The following DDI2 variants were observed in gnomAD, a reference collection of about 807,000 sequenced individuals.
The protein encoded by DDI2 is protein DDI1 homolog 2.
A neutral mutation model predicts 48.1 loss-of-function variants in DDI2; 5 were observed. The observed-to-expected ratio is 0.10, with a 90% confidence interval of 0.05 to 0.22. The LOEUF (loss-of-function observed/expected upper bound fraction) is 0.22. DDI2 is among the 10% of genes least tolerant of loss of function. The probability of loss-of-function intolerance (pLI) is 1.00; values close to 1 mark genes in which losing one functional copy is unlikely to be tolerated. For missense variants in DDI2, 285 were observed against 506.2 expected, an observed-to-expected ratio of 0.56 and a Z score of 4.19; for synonymous variants, 205 against 183.6, an observed-to-expected ratio of 1.12 and a Z score of -0.94.
rs1411455989 is a variant in DDI2 at position 15,668,164 on chromosome 1, G to C, written c.*8374G>C. On this transcript the variant is annotated 3_prime_UTR_variant, in exon 10 of 10. Transcript: ENST00000480945. Reference sequence around the variant, plus strand: ...TGATGGGAAGTTATTTTGTTTACAAGAGTTGGTTTTACACACAACCCTGAA... The same window carrying C: ...TGATGGGAAGTTATTTTGTTTACAACAGTTGGTTTTACACACAACCCTGAA... 2 of 152,066 alleles carry C rather than the reference G, an allele frequency of 1.3e-5. No individual in the cohort carries two copies. Among genetic ancestry groups the C allele is most frequent in the African/African-American group, 4.8e-5 (2 of 41,380 alleles). The allele number at this position is 152,066 out of a possible 1,614,324, so 9.4% of individuals were successfully genotyped here.
In DDI2 at chr1:15,633,459, G is replaced by A; in HGVS notation, c.526G>A (p.Val176Met). Residue 176 changes from valine (V) to methionine (M), a missense_variant, in exon 4 of 10, where the codon GTG (valine) becomes ATG (methionine). Val to Met is a conservative substitution (Grantham distance 21). Around this residue, in one of 3 missense-constraint regions of DDI2, gnomAD observed 149 missense variants for 236.5 expected, o/e 0.63. Coordinates refer to ENST00000480945, the MANE Select transcript of DDI2 (RefSeq NM_032341.5). Reference protein sequence around the residue: ...GDLEKFSRVLVEQQQDRARRE... With the variant: ...GDLEKFSRVLMEQQQDRARRE... The stretch of plus-strand genomic sequence containing the variant: ...TGTAGAGAAATTTTCTAGAGTCCTG[G>A]TGGAGCAGCAGCAGGACCGAGCCCG... 1.2e-6 allele frequency: 2 copies of A among 1,613,532 alleles called. No individual in the cohort carries two copies. Among genetic ancestry groups the A allele is most frequent in the Non-Finnish European group, 1.7e-6 (2 of 1,179,684 alleles).
chr1:15,661,122 G>A lies in DDI2; in HGVS notation c.*1332G>A. The stretch of plus-strand genomic sequence containing the variant: ...AGTGTCCACAAGTCTCCTTTCATCA[G>A]GCCATATCTGTATCAGTGGAGACAG... On this transcript the variant is annotated 3_prime_UTR_variant, in exon 10 of 10. Transcript: ENST00000480945. 6.2e-7 allele frequency: 1 copy of A among 1,613,960 alleles called. No individual in the cohort carries two copies. Among genetic ancestry groups the A allele is most frequent in the South Asian group, 1.1e-5 (1 of 91,052 alleles).
chr1:15,655,768 GA>G (rs1640262698), intron 8 of DDI2, among the ~76,000 whole-genome samples: 2 of 135,374 alleles, frequency 1.5e-5, no homozygotes, highest in African/African-American at 5.6e-5. Flanking sequence ...AAAAAAAAAA[GA>G]AAAAAAATTA....
intron 5 of DDI2, among the ~76,000 whole-genome samples, chr1:15,641,059 A>G (rs1365348748): frequency 2.0e-5 from 3 of 152,216 alleles, no homozygotes; most frequent in Non-Finnish European, 4.4e-5. Flanking sequence ...CTGGAAAGAA[A>G]TGGTGGAGCC....
rs1640416068 is a variant in DDI2 at position 15,663,975 on chromosome 1, ATTTATT to A, written c.*4190_*4195del. ...TAGCTTTTTGTGTATGTATATGTAT[ATTTATT>A]TTTAGGAATAGATCTATAGTTGTAC... On this transcript the variant is annotated 3_prime_UTR_variant, in exon 10 of 10. Coordinates refer to ENST00000480945, the MANE Select transcript of DDI2 (RefSeq NM_032341.5). 6.6e-6 allele frequency: 1 copy of A among 152,176 alleles called. No individual in the cohort carries two copies. The highest frequency in any genetic ancestry group is 2.1e-4 in the South Asian group (1 of 4,834). The allele number at this position is 152,176 out of a possible 1,614,324, so 9.4% of individuals were successfully genotyped here. A position where few individuals can be genotyped will look rare whatever the true frequency, so the allele number is the denominator to read the frequency against.
chr1:15,622,925 G>C (rs1639692839), intron 1 of DDI2, among the ~76,000 whole-genome samples: 1 of 152,154 alleles, frequency 6.6e-6, no homozygotes, highest in Admixed American at 6.5e-5. Flanking sequence ...GAACGTGTGC[G>C]CCTCACCCAG....
At position 15,635,755 on chromosome 1, in the gene DDI2, A is replaced by G. The variant is rs1639918732; in HGVS notation, c.632+2190A>G. 2.6e-5 allele frequency among the ~76,000 whole-genome samples: 4 copies of G among 152,214 alleles called. No individual in the cohort carries two copies. In the South Asian group the frequency reaches 8.3e-4, roughly 32 times the overall value. On this transcript the variant is annotated intron_variant, in intron 4 of 9. Transcript: ENST00000480945. ...CCTTGTACCTCTGAAGAGACTCTCTACATATGGACCCCAGAAAAGCCAAAG... is the reference window on the plus strand; with the variant it reads ...CCTTGTACCTCTGAAGAGACTCTCTGCATATGGACCCCAGAAAAGCCAAAG...
Position 15,661,025 on chromosome 1 carries a change from C to T in DDI2, c.*1235C>T. 6.2e-7 allele frequency: 1 copy of T among 1,614,118 alleles called. No individual in the cohort carries two copies. On this transcript the variant is annotated 3_prime_UTR_variant, in exon 10 of 10. Transcript: ENST00000480945. Reference sequence around the variant, plus strand: ...GTAATCTGTCAATCAGAAACCATAGCTGAGGGCCAAACCAGTATTAAAGAC... The same window carrying T: ...GTAATCTGTCAATCAGAAACCATAGTTGAGGGCCAAACCAGTATTAAAGAC...
Position 15,651,743 on chromosome 1 carries a change from G to A in DDI2, c.1031G>A (p.Gly344Asp). 1 of 1,612,566 alleles carries A rather than the reference G, an allele frequency of 6.2e-7. No individual in the cohort carries two copies. The change falls in exon 8 of 10, where the codon GGC (glycine) becomes GAC (aspartate). Residue 344 changes from glycine to aspartate, a missense_variant. Around this residue, in one of 3 missense-constraint regions of DDI2, gnomAD observed 66 missense variants for 87.3 expected, o/e 0.76. Coordinates refer to ENST00000480945, the MANE Select transcript of DDI2 (RefSeq NM_032341.5). ...CTGAAGAAAAATGTACTCGTGATCGGCACCACAGGCTCCCAGACCACCTTT... is the reference window on the plus strand; with the variant it reads ...CTGAAGAAAAATGTACTCGTGATCGACACCACAGGCTCCCAGACCACCTTT... ...IDLKKNVLVI[G>D]TTGSQTTFLP...
At chr1:15,630,127 CT>C (rs1252831331) in intron 2 of DDI2, among the ~76,000 whole-genome samples, 197 bp from the exon 3 acceptor site, 2 of 152,110 alleles carry the variant, frequency 1.3e-5, no homozygotes, top group Non-Finnish European at 2.9e-5. Flanking sequence ...CACCTTCCCC[CT>C]ATTTTTCTTC....
chr1:15,653,616 C>T (rs1450879069), intron 8 of DDI2, among the ~76,000 whole-genome samples: 1 of 152,146 alleles, frequency 6.6e-6, no homozygotes, highest in Non-Finnish European at 1.5e-5. Context: ...CCCATCTCCC[C>T]TTCCTGACTA....
In DDI2 at chr1:15,666,871, T is replaced by G. The variant is rs1009905692; in HGVS notation, c.*7081T>G. Reference sequence around the variant, plus strand: ...TCAGAGCAGACTGGGAAAATCAGGCTTACAATGGAATCAGATGCTGTGGGC... The same window carrying G: ...TCAGAGCAGACTGGGAAAATCAGGCGTACAATGGAATCAGATGCTGTGGGC... On this transcript the variant is annotated 3_prime_UTR_variant, in exon 10 of 10. Coordinates refer to ENST00000480945, the MANE Select transcript of DDI2 (RefSeq NM_032341.5). 13 of 152,296 alleles carry G rather than the reference T, an allele frequency of 8.5e-5. No individual in the cohort carries two copies. Among genetic ancestry groups the G allele is most frequent in the African/African-American group, 3.1e-4 (13 of 41,556 alleles). The allele number at this position is 152,296 out of a possible 1,614,324, so 9.4% of individuals were successfully genotyped here. A position where few individuals can be genotyped will look rare whatever the true frequency, so the allele number is the denominator to read the frequency against.
At position 15,643,588 on chromosome 1, in the gene DDI2, G is replaced by A. The variant is rs764463034; in HGVS notation, c.827G>A (p.Arg276His). 1.1e-5 allele frequency: 18 copies of A among 1,614,020 alleles called. No individual in the cohort carries two copies. The highest frequency in any genetic ancestry group is 2.2e-5 in the East Asian group (1 of 44,900). Residue 276 changes from arginine (R) to histidine (H), a missense_variant, in exon 6 of 10, where the codon CGT becomes CAT. Arg to His is a conservative substitution (Grantham distance 29, BLOSUM62 0). Around this residue, in one of 3 missense-constraint regions of DDI2, gnomAD observed 70 missense variants for 182.3 expected, o/e 0.38. Coordinates refer to ENST00000480945, the MANE Select transcript of DDI2 (RefSeq NM_032341.5). The stretch of plus-strand genomic sequence containing the variant: ...TGTAACATAATGAGACTGGTGGACC[G>A]TCGGTGGGCAGGGATTGCCAAAGGA... ...ERCNIMRLVDRRWAGIAKGVG... is the reference protein window; with the variant it reads ...ERCNIMRLVDHRWAGIAKGVG...
In DDI2 at chr1:15,633,558, G is replaced by T; in HGVS notation, c.625G>T (p.Asp209Tyr). ...TGAAGCTCAGGCAAAGATAGAAGAA[G>T]ATATAAGGTAAAGACCTGTTCATCT... The part of the protein sequence containing the change: ...DLEAQAKIEE[D>Y]IRQQNIEENM... Residue 209 changes from aspartate (D) to tyrosine (Y), a missense_variant, in exon 4 of 10, where the codon GAT becomes TAT. Physicochemically the swap from Asp to Tyr is radical, Grantham distance 160 (BLOSUM62 -3). Coordinates refer to ENST00000480945, the MANE Select transcript of DDI2 (RefSeq NM_032341.5). 2 of 1,612,706 alleles carry T rather than the reference G, an allele frequency of 1.2e-6. No individual in the cohort carries two copies. Among genetic ancestry groups the T allele is most frequent in the Non-Finnish European group, 1.7e-6 (2 of 1,179,112 alleles).
rs573386127 is a variant in DDI2 at position 15,648,851 on chromosome 1, AAC to A, written c.890-867_890-866del. Among the ~76,000 whole-genome samples the A allele has an allele frequency of 5.6e-4, 84 of 151,166 alleles. 5 individuals are homozygous for A. Among genetic ancestry groups the A allele is most frequent in the African/African-American group, 1.9e-3 (77 of 41,096 alleles). On this transcript the variant is annotated intron_variant, in intron 6 of 9. Coordinates refer to ENST00000480945, the MANE Select transcript of DDI2 (RefSeq NM_032341.5). ...CCCTGTCTCAAAAAAAAAAAAAAAAAACAACCCTAAAACCTAGATGTGGAAAG... is the reference window on the plus strand; with the variant it reads ...CCCTGTCTCAAAAAAAAAAAAAAAAAAACCCTAAAACCTAGATGTGGAAAG...
At position 15,663,445 on chromosome 1, in the gene DDI2, T is replaced by G. The variant is rs1181298650; in HGVS notation, c.*3655T>G. On this transcript the variant is annotated 3_prime_UTR_variant, in exon 10 of 10. Transcript: ENST00000480945. ...TGATGGGATGGCGTGTCACGTAGAT[T>G]CATCATGATCCTTTATGTAGTTAGG... The G allele has an allele frequency of 6.6e-6, 1 of 152,238 alleles. No individual in the cohort carries two copies. The highest frequency in any genetic ancestry group is 1.5e-5 in the Non-Finnish European group (1 of 68,040). The allele number at this position is 152,238 out of a possible 1,614,324, so 9.4% of individuals were successfully genotyped here.
rs1406531485 is a variant in DDI2, at chr1:15,666,122, T to G, written c.*6332T>G. 6.6e-6 allele frequency: 1 copy of G among 152,220 alleles called. No individual in the cohort carries two copies. Among genetic ancestry groups the G allele is most frequent in the Non-Finnish European group, 1.5e-5 (1 of 68,026 alleles). 9.4% of individuals were successfully genotyped at this position (152,220 alleles called of 1,614,324 possible). On this transcript the variant is annotated 3_prime_UTR_variant, in exon 10 of 10. Coordinates refer to ENST00000480945, the MANE Select transcript of DDI2 (RefSeq NM_032341.5). ...TTGCTAATTACTCTTAACAACAAAT[T>G]AAATTCAAAGCCTGTCCTTGAGAAC...
chr1:15,640,651 TC>T (rs1168418734), intron 5 of DDI2, among the ~76,000 whole-genome samples: 9 of 152,204 alleles, frequency 5.9e-5, no homozygotes, highest in Non-Finnish European at 1.3e-4. Context: ...GCCCTTCTCA[TC>T]CTGGGTTGCT....
At chr1:15,651,494 T>G (rs1640183201) in intron 7 of DDI2, among the ~76,000 whole-genome samples, 2 of 152,050 alleles carry the variant, frequency 1.3e-5, no homozygotes, top group Admixed American at 1.3e-4. Flanking sequence ...AATTTTTGTA[T>G]TTTTAGTAGA....
Sources: gnomAD v4.1 joint callset for allele counts (sites outside exome capture counted in the v4.1 genomes callset) on GRCh38, gnomAD v4.1.1 for gene constraint, gnomAD v4.1.1 regional missense constraint, MANE v1.5 for transcripts, NCBI Gene and HGNC (gene_info 2026-07-23, HGNC 2026-07-21) for gene names.